DIAPH3: variants seen among roughly 807,000 people sequenced by gnomAD.
The protein encoded by DIAPH3 is diaphanous related formin 3.
DIAPH3 carries 117 observed loss-of-function variants against 144.3 expected under a neutral mutation model. The observed-to-expected ratio is 0.81, with a 90% CI of 0.70 to 0.95. The LOEUF (loss-of-function observed/expected upper bound fraction) is 0.95. Ranked by LOEUF, DIAPH3 falls within the 40% of genes least tolerant of loss-of-function variation. The pLI is 0.00. For missense variants in DIAPH3, 1,421 were observed against 1,412.7 expected (o/e 1.01, Z -0.09); for synonymous variants, 519 against 488.9 (o/e 1.06, Z -0.81).
In DIAPH3 at chr13:59,970,988, C is replaced by A. The variant is rs201109428; in HGVS notation, c.1823G>T (p.Gly608Val). The change falls in exon 16 of 28, where the codon GGT becomes GTT. Residue 608 changes from glycine (G) to valine (V), a missense_variant. By Grantham distance (109) the Gly-to-Val change is moderately radical. Transcript: ENST00000400324. Reference sequence around the variant, plus strand: ...CAGGGGAGGTGGTGGAGGCACAGGACCACTGAATGGCATCCGCATTCCTGG... The same window carrying A: ...CAGGGGAGGTGGTGGAGGCACAGGAACACTGAATGGCATCCGCATTCCTGG... ...PLPGMRMPFS[G>V]PVPPPPPLGF... The A allele has an allele frequency of 1.2e-6, 2 of 1,613,740 alleles. No homozygotes were observed. Among genetic ancestry groups the A allele is most frequent in the African/African-American group, 1.3e-5 (1 of 74,942 alleles).
intron 1 of DIAPH3, among the ~76,000 whole-genome samples, chr13:60,146,833 G>A (rs2138359332): frequency 6.6e-6 from 1 of 152,318 alleles, no homozygotes; most frequent in East Asian, 1.9e-4. Context: ...CAGGAAGTCA[G>A]CAGCTGATAG....
chr13:59,820,769 G>A lies in DIAPH3; in HGVS notation c.3028-9846C>T, dbSNP rs1759962. On this transcript the variant is annotated intron_variant, in intron 24 of 27. Coordinates refer to ENST00000400324, the MANE Select transcript of DIAPH3 (RefSeq NM_001042517.2). ...AAATGATAGCATTAAATACTATTTA[G>A]TGTTATAATAGTATTAAATACTATT... is the stretch of plus-strand genomic sequence containing the variant. Among the ~76,000 whole-genome samples the A allele has an allele frequency of 3.3e-5, 5 of 150,238 alleles. 1 individual carries two copies. Among genetic ancestry groups the A allele is most frequent in the African/African-American group, 1.2e-4 (5 of 40,972 alleles).
intron 27 of DIAPH3, among the ~76,000 whole-genome samples, chr13:59,678,731 C>T (rs2032774413): frequency 6.6e-6 from 1 of 152,214 alleles, no homozygotes; most frequent in African/African-American, 2.4e-5. Context: ...ACTTTCCCTA[C>T]AGGACCTCAC....
At chr13:59,911,953 A>G in intron 19 of DIAPH3, 117 bp from the exon 20 acceptor site, 1 of 830,534 alleles carries the variant, frequency 1.2e-6, no homozygotes, top group East Asian at 2.7e-5. Flanking sequence ...TTTTATTTCT[A>G]GGTAACCTCC....
chr13:60,009,187 T>C (rs1477624961), intron 8 of DIAPH3, among the ~76,000 whole-genome samples: 1 of 152,160 alleles, frequency 6.6e-6, no homozygotes, highest in Non-Finnish European at 1.5e-5. Context: ...ATTATAAATA[T>C]TCAAATATAA....
chr13:59,773,911 A>G, intron 27 of DIAPH3: 1 of 354,386 alleles, frequency 2.8e-6, no homozygotes, highest in Non-Finnish European at 5.1e-6. Flanking sequence ...GCCTTGGATA[A>G]CACTGATCAG....
At chr13:60,065,974 A>G (rs945953947) in intron 4 of DIAPH3, among the ~76,000 whole-genome samples, 2 of 152,178 alleles carry the variant, frequency 1.3e-5, no homozygotes, top group Non-Finnish European at 1.5e-5. Flanking sequence ...ATTTCCTACA[A>G]ATCATATATA....
In DIAPH3 at chr13:59,926,878, C is replaced by A. The variant is rs1460810871; in HGVS notation, c.2075-2008G>T. 3.3e-5 allele frequency among the ~76,000 whole-genome samples: 5 copies of A among 152,226 alleles called. No homozygotes were observed. In the South Asian group the frequency reaches 1.0e-3, roughly 32 times the overall value. On this transcript the variant is annotated intron_variant, in intron 17 of 27. Coordinates refer to ENST00000400324, the MANE Select transcript of DIAPH3 (RefSeq NM_001042517.2). ...ACAGTGCAGTTTCAGATTGATAGTTCTTTGACAATTTTCTCCCTAGATGGT... is the reference window on the plus strand; with the variant it reads ...ACAGTGCAGTTTCAGATTGATAGTTATTTGACAATTTTCTCCCTAGATGGT...
At chr13:59,712,046 A>T (rs1020496750) in intron 27 of DIAPH3, among the ~76,000 whole-genome samples, 1 of 152,242 alleles carries the variant, frequency 6.6e-6, no homozygotes, top group Non-Finnish European at 1.5e-5. Context: ...TACAAATAGA[A>T]TAGGACCACT....
In DIAPH3 at chr13:59,902,035, A is replaced by T. The variant is rs150318866; in HGVS notation, c.2367+9700T>A. On this transcript the variant is annotated intron_variant, in intron 20 of 27. Coordinates refer to ENST00000400324, the MANE Select transcript of DIAPH3 (RefSeq NM_001042517.2). The stretch of plus-strand genomic sequence containing the variant: ...CCTATCAGCAGTAAAAGCAATGTTA[A>T]GTTTCACCATTAAAAAGCCTCTAAT... Among the ~76,000 whole-genome samples, 395 of 152,338 alleles carry T rather than the reference A, an allele frequency of 2.6e-3. 1 individual carries two copies. Among genetic ancestry groups the T allele is most frequent in the African/African-American group, 8.9e-3 (371 of 41,588 alleles).
chr13:59,740,652 C>T (rs2036395976), intron 27 of DIAPH3, among the ~76,000 whole-genome samples: 1 of 152,110 alleles, frequency 6.6e-6, no homozygotes, highest in Non-Finnish European at 1.5e-5. Flanking sequence ...ACTTAGGTAT[C>T]CTGAGAAAAA....
At chr13:60,011,105 CA>C (rs796142976) in intron 7 of DIAPH3, among the ~76,000 whole-genome samples, 74 of 144,916 alleles carry the variant, frequency 5.1e-4, no homozygotes, top group African/African-American at 1.7e-3. Flanking sequence ...AACTCCGTCT[CA>C]AAAAAAAAAT....
chr13:59,903,820 A>G (rs2046583376), intron 20 of DIAPH3, among the ~76,000 whole-genome samples: 1 of 152,098 alleles, frequency 6.6e-6, no homozygotes, highest in Admixed American at 6.5e-5. Flanking sequence ...TCTATTCTTT[A>G]TTTCATACAT....
chr13:59,778,693 C>A (rs757332689), intron 25 of DIAPH3, among the ~76,000 whole-genome samples: 13 of 152,202 alleles, frequency 8.5e-5, no homozygotes, highest in Non-Finnish European at 1.8e-4. Flanking sequence ...AACTAATCTG[C>A]TGTTCCTTTT....
intron 4 of DIAPH3, among the ~76,000 whole-genome samples, chr13:60,055,061 T>C (rs1447299919): frequency 6.6e-6 from 1 of 151,948 alleles, no homozygotes; most frequent in Non-Finnish European, 1.5e-5. Context: ...TGAGTATCAT[T>C]ACGTGCCAAA....
intron 19 of DIAPH3, among the ~76,000 whole-genome samples, chr13:59,914,750 G>A (rs2047148862): frequency 6.6e-6 from 1 of 152,112 alleles, no homozygotes; most frequent in South Asian, 2.1e-4. Flanking sequence ...TGAGAAGCTG[G>A]AAATACAAAC....
At chr13:59,981,981 T>C (rs540587330) in intron 13 of DIAPH3, among the ~76,000 whole-genome samples, 6 of 151,556 alleles carry the variant, frequency 4.0e-5, no homozygotes, top group East Asian at 1.9e-4. Flanking sequence ...ATATTTAATT[T>C]TGATTCCCAT....
chr13:60,145,538 T>C (rs1951469774), intron 1 of DIAPH3, among the ~76,000 whole-genome samples: 1 of 152,124 alleles, frequency 6.6e-6, no homozygotes, highest in African/African-American at 2.4e-5. Context: ...TAGTCCCAGC[T>C]ACTTGGGAGG....
At chr13:59,984,614 A>C (rs1440591139) in intron 12 of DIAPH3, among the ~76,000 whole-genome samples, 1 of 150,720 alleles carries the variant, frequency 6.6e-6, no homozygotes, top group Non-Finnish European at 1.5e-5. Flanking sequence ...AATCAAATAG[A>C]CACAATAAAA....
Sources: gnomAD v4.1 joint callset for allele counts (sites outside exome capture counted in the v4.1 genomes callset) on GRCh38, gnomAD v4.1.1 for gene constraint, MANE v1.5 for transcripts, NCBI Gene and HGNC (gene_info 2026-07-23, HGNC 2026-07-21) for gene names.